The following DMC1 variants were observed in gnomAD, a reference collection of about 807,000 sequenced individuals.
DMC1 encodes meiotic recombination protein DMC1 homolog.
DMC1 carries 27 observed loss-of-function variants against 50.1 expected under a neutral mutation model. That is an observed-to-expected ratio of 0.54 (90% confidence interval 0.40 to 0.74). The LOEUF (loss-of-function observed/expected upper bound fraction) is 0.74. Among genes scored for constraint, DMC1 ranks in the 30% least tolerant of loss-of-function variants. The pLI is 0.00. For synonymous variants in DMC1, 148 were observed against 136.1 expected (o/e 1.09, Z -0.61); for missense variants, 295 against 420.2 (o/e 0.70, Z 2.60).
intron 12 of DMC1, among the ~76,000 whole-genome samples, chr22:38,527,798 T>A (rs1439180779): frequency 3.9e-5 from 6 of 151,976 alleles, no homozygotes; most frequent in Non-Finnish European, 5.9e-5. Flanking sequence ...GGATTACAGG[T>A]GTGAGCCACC....
At chr22:38,541,337 G>A (rs2090278680) in intron 8 of DMC1, among the ~76,000 whole-genome samples, 1 of 152,054 alleles carries the variant, frequency 6.6e-6, no homozygotes, top group South Asian at 2.1e-4. Context: ...TGTTGCTCAG[G>A]CTGGAGTCCA....
At chr22:38,537,713 A>G in intron 11 of DMC1, 61 bp from the exon 12 acceptor site, 1 of 1,296,388 alleles carries the variant, frequency 7.7e-7, no homozygotes, top group East Asian at 2.3e-5. Context: ...TTAAAAGTTC[A>G]TTGTTTAGAT....
At chr22:38,553,333 C>T (rs533694835) in intron 6 of DMC1, among the ~76,000 whole-genome samples, 1 of 148,332 alleles carries the variant, frequency 6.7e-6, no homozygotes, top group African/African-American at 2.5e-5. Context: ...CCCATCTCTA[C>T]TAAAAATACA....
At chr22:38,547,617 C>T (rs537218711) in intron 8 of DMC1, among the ~76,000 whole-genome samples, 7 of 152,024 alleles carry the variant, frequency 4.6e-5, no homozygotes, top group East Asian at 1.9e-4. Flanking sequence ...CTCGGCTCAC[C>T]GCAACCTCCG....
chr22:38,536,808 C>T (rs2090217970), intron 12 of DMC1, among the ~76,000 whole-genome samples: 2 of 152,064 alleles, frequency 1.3e-5, no homozygotes, highest in Non-Finnish European at 2.9e-5. Flanking sequence ...ATTCTGGTTA[C>T]CAAGTGATAT....
At chr22:38,543,765 C>G (rs2090312805) in intron 8 of DMC1, among the ~76,000 whole-genome samples, 1 of 152,148 alleles carries the variant, frequency 6.6e-6, no homozygotes, top group African/African-American at 2.4e-5. Flanking sequence ...ATTGCTCTGT[C>G]CTAAGTCACC....
chr22:38,519,893 CT>C lies in DMC1; in HGVS notation c.*126del. The C allele has an allele frequency of 1.4e-6, 1 of 729,446 alleles. No individual in the cohort carries two copies. The highest frequency in any genetic ancestry group is 2.7e-5 in the East Asian group (1 of 37,026). The allele number at this position is 729,446 out of a possible 1,614,324, so 45.2% of individuals were successfully genotyped here. ...TAAGATAAATATAAGATTTAAATCT[CT>C]TTGCTGACTTTTCTTTAGTAACATG... On this transcript the variant is annotated 3_prime_UTR_variant, in exon 14 of 14. Transcript: ENST00000216024.
intron 8 of DMC1, among the ~76,000 whole-genome samples, 193 bp from the exon 9 acceptor site, chr22:38,539,605 T>G (rs929793763): frequency 1.3e-5 from 2 of 152,198 alleles, no homozygotes; most frequent in African/African-American, 4.8e-5. Flanking sequence ...CAACTTACCA[T>G]AGGTAGTGAT....
chr22:38,548,847 A>T (rs1029827735), intron 8 of DMC1, among the ~76,000 whole-genome samples: 1 of 152,180 alleles, frequency 6.6e-6, no homozygotes, highest in Non-Finnish European at 1.5e-5. Context: ...GTCTCAAAAA[A>T]AAAAAAGTAA....
chr22:38,539,644 G>A (rs2090258670), intron 8 of DMC1, among the ~76,000 whole-genome samples: 1 of 152,142 alleles, frequency 6.6e-6, no homozygotes, highest in Admixed American at 6.6e-5. Flanking sequence ...AGGCAGTAAT[G>A]ACTTTAACTA....
downstream of DMC1, among the ~76,000 whole-genome samples, chr22:38,515,490 AAG>A (rs901203686): frequency 6.1e-5 from 9 of 148,600 alleles, no homozygotes; most frequent in South Asian, 8.6e-4. Context: ...AAAAAAAAAA[AAG>A]AAAGAAAAAA....
chr22:38,564,979 A>C (rs1030292999), intron 4 of DMC1, among the ~76,000 whole-genome samples: 1 of 152,278 alleles, frequency 6.6e-6, no homozygotes, highest in East Asian at 1.9e-4. Flanking sequence ...GCCTCTGAAG[A>C]AGGAAACCAA....
intron 8 of DMC1, among the ~76,000 whole-genome samples, chr22:38,540,546 T>C (rs10427947): frequency 0.043 from 6,547 of 152,328 alleles, 241 homozygotes; most frequent in East Asian, 0.11. Flanking sequence ...TTTGTAACCT[T>C]ATTTCACTTT....
At chr22:38,515,003 GA>G (rs2089966682), downstream of DMC1, among the ~76,000 whole-genome samples, 1 of 148,900 alleles carries the variant, frequency 6.7e-6, no homozygotes, top group South Asian at 2.1e-4. Context: ...GAGTAGCTGG[GA>G]CTACAGGTGC....
downstream of DMC1, among the ~76,000 whole-genome samples, chr22:38,518,396 A>G (rs896374420): frequency 6.6e-5 from 10 of 152,208 alleles, no homozygotes; most frequent in African/African-American, 2.4e-4. Flanking sequence ...CACATGCTTT[A>G]TGTGTAGGAA....
At chr22:38,564,299 C>A (rs1175675767) in intron 4 of DMC1, among the ~76,000 whole-genome samples, 10 of 152,056 alleles carry the variant, frequency 6.6e-5, no homozygotes, top group Admixed American at 6.6e-4. Context: ...AGTGAGATAC[C>A]CTTCTCTCTC....
chr22:38,557,658 G>A (rs1013864842), intron 5 of DMC1, among the ~76,000 whole-genome samples: 7 of 151,998 alleles, frequency 4.6e-5, no homozygotes, highest in Admixed American at 1.3e-4. Context: ...GAGTGAGACC[G>A]TGTCTCAAAA....
downstream of DMC1, among the ~76,000 whole-genome samples, chr22:38,518,378 C>G (rs2089990612): frequency 6.6e-6 from 1 of 152,176 alleles, no homozygotes; most frequent in African/African-American, 2.4e-5. Context: ...TTTCTCTTAA[C>G]TAGTGTACAC....
At chr22:38,564,378 T>G (rs2090560311) in intron 4 of DMC1, among the ~76,000 whole-genome samples, 1 of 152,090 alleles carries the variant, frequency 6.6e-6, no homozygotes. Context: ...GGCGTGATCT[T>G]GCCTCACTGC....
Sources: gnomAD v4.1 joint callset for allele counts (sites outside exome capture counted in the v4.1 genomes callset) on GRCh38, gnomAD v4.1.1 for gene constraint, MANE v1.5 for transcripts, NCBI Gene and HGNC (gene_info 2026-07-23, HGNC 2026-07-21) for gene names.